Variants in HDAC5 observed in about 807,000 individuals in gnomAD.
The protein encoded by HDAC5 is histone deacetylase 5.
HDAC5 carries 25 observed loss-of-function variants against 133.3 expected under a neutral mutation model. The ratio of observed to expected loss-of-function variants is 0.19; its 90% CI spans 0.14 to 0.26. The LOEUF (loss-of-function observed/expected upper bound fraction) is 0.26. Among genes scored for constraint, HDAC5 ranks in the 10% least tolerant of loss-of-function variants. HDAC5 has a pLI of 1.00. For synonymous variants in HDAC5, 589 were observed against 610.8 expected, an observed-to-expected ratio of 0.96 and a Z score of 0.53; for missense variants, 1,041 against 1,460.5, an observed-to-expected ratio of 0.71 and a Z score of 4.68.
chr17:44,093,883 CCA>C (rs754248393), intron 3 of HDAC5, 49 bp from the exon 4 acceptor site: 45 of 1,443,462 alleles, frequency 3.1e-5, no homozygotes, highest in Non-Finnish European at 4.0e-5. Flanking sequence ...GCCCCAGACT[CCA>C]GTCATGCCTG....
At position 44,087,570 on chromosome 17, in the gene HDAC5, A is replaced by G. The variant is rs757759455; in HGVS notation, c.1726T>C (p.Ser576Pro). The G allele has an allele frequency of 1.2e-6, 2 of 1,613,784 alleles. No individual in the cohort carries two copies. Among genetic ancestry groups the G allele is most frequent in the Non-Finnish European group, 1.7e-6 (2 of 1,179,920 alleles). Reference protein sequence around the residue: ...EGALTMPREGSTESESTQEDL... With the variant: ...EGALTMPREGPTESESTQEDL... ...TCCTGTGTGCTCTCACTCTCTGTGG[A>G]GCCCTCCCGGGGCATGGTCAGGGCT... Residue 576 changes from serine to proline, a missense_variant, in exon 13 of 27, where the codon TCC (serine) becomes CCC (proline). Physicochemically the swap from Ser to Pro is moderately conservative, Grantham distance 74. Around this residue, in one of 9 missense-constraint regions of HDAC5, gnomAD observed 433 missense variants for 531.6 expected, o/e 0.81. Transcript: ENST00000682912.
chr17:44,092,363 C>G lies in HDAC5; in HGVS notation c.919+18G>C, dbSNP rs752126492. ...GATTCCCAGACCCTCAGAACAGGTA[C>G]ATGAGAGCAGCCCTTACCCCCAGGC... On this transcript the variant is annotated intron_variant, in intron 8 of 26. Coordinates refer to ENST00000682912, the MANE Select transcript of HDAC5 (RefSeq NM_005474.5). 5.6e-6 allele frequency: 9 copies of G among 1,612,220 alleles called. 1 individual carries two copies. In the South Asian group the frequency reaches 9.9e-5, roughly 18 times the overall value.
chr17:44,112,228 G>A (rs969166060), intron 2 of HDAC5, among the ~76,000 whole-genome samples: 1 of 152,142 alleles, frequency 6.6e-6, no homozygotes, highest in Non-Finnish European at 1.5e-5. Context: ...GCTAAGGAGA[G>A]TCAAGAGTTT....
chr17:44,078,376 T>C lies in HDAC5; in HGVS notation c.3369A>G (p.Ter1123TrpextTer20). 1 of 1,521,024 alleles carries C rather than the reference T, an allele frequency of 6.6e-7. No homozygotes were observed. The highest frequency in any genetic ancestry group is 8.8e-7 in the Non-Finnish European group (1 of 1,136,622). The allele number at this position is 1,521,024 out of a possible 1,614,324, so 94.2% of individuals were successfully genotyped here. A position where few individuals can be genotyped will look rare whatever the true frequency, so the allele number is the denominator to read the frequency against. Residue 1123 changes from the stop codon to tryptophan, a stop_lost, in exon 27 of 27, where the codon TGA becomes TGG. Coordinates refer to ENST00000682912, the MANE Select transcript of HDAC5 (RefSeq NM_005474.5). ...EEPMEQEPAL* is the reference protein window; with the variant it reads ...EEPMEQEPALW ...GCCCAGAGGGATGGGGGCCGGGGCG[T>C]CACAGGGCAGGCTCCTGCTCCATGG...
At chr17:44,082,550 C>T in intron 20 of HDAC5, 35 bp downstream of exon 20, 1 of 1,536,946 alleles carries the variant, frequency 6.5e-7, no homozygotes, top group Non-Finnish European at 9.0e-7. Context: ...CTAGCTCTAC[C>T]CGCCCCTGCC....
At position 44,085,087 on chromosome 17, in the gene HDAC5, G is replaced by A. The variant is rs754239788; in HGVS notation, c.2119C>T (p.His707Tyr). 7 of 1,604,580 alleles carry A rather than the reference G, an allele frequency of 4.4e-6. No homozygotes were observed. The highest frequency in any genetic ancestry group is 8.5e-7 in the Non-Finnish European group (1 of 1,172,272). The part of the protein sequence containing the change: ...MCGNTHVHPE[H>Y]AGRIQSIWSR... Reference sequence around the variant, plus strand: ...CAGATGCTCTGGATCCGGCCAGCATGCTCAGGGTGCACGTGTGTGTTCCCG... The same window carrying A: ...CAGATGCTCTGGATCCGGCCAGCATACTCAGGGTGCACGTGTGTGTTCCCG... The change falls in exon 15 of 27, where the codon CAT becomes TAT. Residue 707 changes from histidine to tyrosine, a missense_variant. Around this residue, in one of 9 missense-constraint regions of HDAC5, gnomAD observed 42 missense variants for 101.7 expected, o/e 0.41. Coordinates refer to ENST00000682912, the MANE Select transcript of HDAC5 (RefSeq NM_005474.5).
intron 12 of HDAC5, 110 bp from the exon 13 acceptor site, chr17:44,087,806 C>G: frequency 1.5e-6 from 2 of 1,304,908 alleles, no homozygotes; most frequent in Non-Finnish European, 2.0e-6. Flanking sequence ...GGTAGAGCTT[C>G]TATGTGAATT....
At position 44,091,746 on chromosome 17, in the gene HDAC5, G is replaced by A. The variant is rs2050961665; in HGVS notation, c.1118C>T (p.Ser373Phe). Residue 373 changes from serine to phenylalanine, a missense_variant, in exon 10 of 27, where the codon TCC (serine) becomes TTC (phenylalanine). Physicochemically the swap from Ser to Phe is radical, Grantham distance 155. This residue lies in a region of HDAC5 where 433 missense variants were observed against 531.6 expected (regional missense o/e 0.81). Coordinates refer to ENST00000682912, the MANE Select transcript of HDAC5 (RefSeq NM_005474.5). The part of the protein sequence containing the change: ...LYTSPSLPNI[S>F]LGLQATVTVT... ...AGTGACCGTGGCCTGCAGCCCTAGG[G>A]AGATGTTGGGCAGAGAAGGAGACGT... 1 of 1,602,204 alleles carries A rather than the reference G, an allele frequency of 6.2e-7. No individual in the cohort carries two copies. Among genetic ancestry groups the A allele is most frequent in the Non-Finnish European group, 8.5e-7 (1 of 1,174,092 alleles).
At chr17:44,095,587 G>T (rs1275698158) in intron 3 of HDAC5, among the ~76,000 whole-genome samples, 1 of 152,158 alleles carries the variant, frequency 6.6e-6, no homozygotes, top group East Asian at 1.9e-4. Flanking sequence ...AGGGACAGGA[G>T]GGGGCTGGGA....
intron 2 of HDAC5, among the ~76,000 whole-genome samples, chr17:44,114,291 G>A (rs955604233): frequency 1.3e-5 from 2 of 152,208 alleles, no homozygotes; most frequent in Non-Finnish European, 2.9e-5. Flanking sequence ...CCAGCCCCAT[G>A]CCAGGATTGA....
At chr17:44,116,844 G>A (rs530605718) in intron 2 of HDAC5, among the ~76,000 whole-genome samples, 35 of 152,158 alleles carry the variant, frequency 2.3e-4, no homozygotes, top group Non-Finnish European at 3.4e-4. Context: ...CAGGGTCCTA[G>A]GAACAAAGAG....
intron 3 of HDAC5, among the ~76,000 whole-genome samples, chr17:44,100,748 C>T (rs964796206): frequency 6.6e-6 from 1 of 151,212 alleles, no homozygotes; most frequent in Admixed American, 6.6e-5. Context: ...GGAGAGACTC[C>T]GTCTCAAAAT....
chr17:44,110,675 C>CAG, intron 3 of HDAC5, 54 bp downstream of exon 3: 1 of 1,438,636 alleles, frequency 7.0e-7, no homozygotes, highest in Non-Finnish European at 9.8e-7. Context: ...ATGCTCAGCC[C>CAG]AGGGACAAGG....
chr17:44,087,388 A>C, intron 13 of HDAC5, 24 bp downstream of exon 13: 1 of 786,630 alleles, frequency 1.3e-6, no homozygotes, highest in Non-Finnish European at 2.3e-6. Context: ...GTGACCAAGG[A>C]CTGGGACCAG....
At position 44,087,704 on chromosome 17, in the gene HDAC5, C is replaced by T. The variant is rs778338665; in HGVS notation, c.1600-8G>A. 1 of 1,575,096 alleles carries T rather than the reference C, an allele frequency of 6.3e-7. No individual in the cohort carries two copies. Among genetic ancestry groups the T allele is most frequent in the Admixed American group, 1.8e-5 (1 of 57,094 alleles). On this transcript the variant is annotated splice_polypyrimidine_tract_variant and splice_region_variant and intron_variant, in intron 12 of 26. Transcript: ENST00000682912. ...CCCTGTCTTGGTGAGGATCTGATAA[C>T]AGAATATGGGGGCACATCAGCTGGG...
chr17:44,116,535 C>T (rs978367259), intron 2 of HDAC5, among the ~76,000 whole-genome samples: 1 of 152,172 alleles, frequency 6.6e-6, no homozygotes, highest in African/African-American at 2.4e-5. Context: ...GCCCCAATTG[C>T]CCTATCTCTA....
chr17:44,110,973 G>A (rs527391475), intron 2 of HDAC5, 173 bp from the exon 3 acceptor site: 30 of 622,654 alleles, frequency 4.8e-5, no homozygotes, highest in African/African-American at 3.6e-4. Flanking sequence ...CACTGCCGAC[G>A]GGACCCACAC....
In HDAC5 at chr17:44,081,312, C is replaced by T. The variant is rs536107002; in HGVS notation, c.2608-430G>A. Among the ~76,000 whole-genome samples the T allele has an allele frequency of 1.7e-3, 264 of 151,802 alleles. 1 individual carries two copies. Among genetic ancestry groups the T allele is most frequent in the Admixed American group, 7.8e-3 (119 of 15,242 alleles). On this transcript the variant is annotated intron_variant, in intron 20 of 26. Coordinates refer to ENST00000682912, the MANE Select transcript of HDAC5 (RefSeq NM_005474.5). ...TTGCCCAGGCTAGAGTGCAGTGGCA[C>T]GATCTGGGCTCACTGCAACCTCCAC...
chr17:44,078,327 A>G lies in HDAC5; in HGVS notation c.*49T>C. 6.7e-7 allele frequency: 1 copy of G among 1,500,360 alleles called. No homozygotes were observed. The highest frequency in any genetic ancestry group is 1.4e-5 in the African/African-American group (1 of 71,340). The allele number at this position is 1,500,360 out of a possible 1,614,324, so 92.9% of individuals were successfully genotyped here. ...GTGACTTTTTGTTTTTAATAGAAAA[A>G]ATAAACAAAATCACAATGGTGAAGC... On this transcript the variant is annotated 3_prime_UTR_variant, in exon 27 of 27. Coordinates refer to ENST00000682912, the MANE Select transcript of HDAC5 (RefSeq NM_005474.5).
Sources: gnomAD v4.1 joint callset for allele counts (sites outside exome capture counted in the v4.1 genomes callset) on GRCh38, gnomAD v4.1.1 for gene constraint, gnomAD v4.1.1 regional missense constraint, MANE v1.5 for transcripts, NCBI Gene and HGNC (gene_info 2026-07-23, HGNC 2026-07-21) for gene names.